RANBP2: variants seen among roughly 807,000 people sequenced by gnomAD.
The protein encoded by RANBP2 is E3 SUMO-protein ligase RanBP2.
In RANBP2, 57 loss-of-function variants were observed where a neutral mutation model predicts 303.6. The observed-to-expected ratio is 0.19, with a 90% CI of 0.15 to 0.23. The LOEUF (loss-of-function observed/expected upper bound fraction) is 0.23. Among genes scored for constraint, RANBP2 ranks in the 10% least tolerant of loss-of-function variants. RANBP2 has a pLI of 1.00. For missense variants in RANBP2, 3,138 were observed against 3,780.8 expected, an observed-to-expected ratio of 0.83 and a Z score of 4.46; for synonymous variants, 1,167 against 1,301.5, an observed-to-expected ratio of 0.90 and a Z score of 2.23.
the RANBP2 span, among the ~76,000 whole-genome samples, chr2:109,306,902 G>A: frequency 1.3e-5 from 2 of 152,214 alleles, no homozygotes; most frequent in Admixed American, 1.3e-4. Flanking sequence ...GTACGGTAGG[G>A]CCGCGGCATG....
chr2:109,151,105 C>T, the RANBP2 span, among the ~76,000 whole-genome samples: 1 of 152,192 alleles, frequency 6.6e-6, no homozygotes, highest in African/African-American at 2.4e-5. Context: ...ATTTGCCCTG[C>T]ATTTGGTGAG....
the RANBP2 span, among the ~76,000 whole-genome samples, chr2:109,153,989 G>A: frequency 5.9e-5 from 9 of 152,316 alleles, no homozygotes; most frequent in South Asian, 1.0e-3. Context: ...AAATTTGGGC[G>A]GCAGCCAAGT....
chr2:109,244,522 A>G, the RANBP2 span, among the ~76,000 whole-genome samples: 4 of 152,180 alleles, frequency 2.6e-5, no homozygotes, highest in Non-Finnish European at 4.4e-5. Flanking sequence ...TTAAATTTAT[A>G]GGGCCCTAAG....
At chr2:109,300,676 ACCACCTTCCT>A in the RANBP2 span, among the ~76,000 whole-genome samples, 1 of 151,966 alleles carries the variant, frequency 6.6e-6, no homozygotes, top group African/African-American at 2.4e-5. Context: ...TCTCCATCCA[ACCACCTTCCT>A]CTTCCTCCTT....
At chr2:109,593,165 C>T in the RANBP2 span, 2 of 1,245,408 alleles carry the variant, frequency 1.6e-6, no homozygotes, top group Non-Finnish European at 2.3e-6. Context: ...AAACATTACT[C>T]CCCAAACCCC....
At chr2:109,200,950 C>T in the RANBP2 span, among the ~76,000 whole-genome samples, 406 of 152,248 alleles carry the variant, frequency 2.7e-3, 4 homozygotes, top group Middle Eastern at 0.02. Context: ...CGCAGTGGCC[C>T]GGGGCCCACC....
At chr2:109,657,645 C>T in the RANBP2 span, among the ~76,000 whole-genome samples, 59 of 149,254 alleles carry the variant, frequency 4.0e-4, no homozygotes, top group African/African-American at 1.3e-3. Flanking sequence ...ATCTTTTAAG[C>T]GGGAGGAGGC....
chr2:109,062,931 G>T, the RANBP2 span, among the ~76,000 whole-genome samples: 54 of 152,252 alleles, frequency 3.5e-4, no homozygotes, highest in Admixed American at 8.5e-4. Flanking sequence ...GACAGAGCTG[G>T]TGCCAACTGC....
the RANBP2 span, among the ~76,000 whole-genome samples, chr2:109,120,994 C>A: frequency 6.6e-6 from 1 of 152,162 alleles, no homozygotes; most frequent in Non-Finnish European, 1.5e-5. Context: ...CGCCTGTAAT[C>A]CTAGCACTTT....
the RANBP2 span, among the ~76,000 whole-genome samples, chr2:109,381,109 G>A: frequency 6.6e-6 from 1 of 152,224 alleles, no homozygotes; most frequent in African/African-American, 2.4e-5. Flanking sequence ...GCAGAGCCTT[G>A]TCCTGGTCTG....
the RANBP2 span, among the ~76,000 whole-genome samples, chr2:108,871,127 GGATA>G: frequency 1.3e-5 from 2 of 151,974 alleles, no homozygotes; most frequent in African/African-American, 4.8e-5. Context: ...ATGGATGAAT[GGATA>G]GATAGAAGGA....
the RANBP2 span, among the ~76,000 whole-genome samples, chr2:109,524,495 G>A: frequency 1.4e-4 from 20 of 144,266 alleles, no homozygotes; most frequent in African/African-American, 4.7e-4. Flanking sequence ...GATGGCTCAC[G>A]CCTGTAATCC....
the RANBP2 span, among the ~76,000 whole-genome samples, chr2:109,637,204 G>C: frequency 1.4e-4 from 21 of 152,326 alleles, no homozygotes; most frequent in African/African-American, 5.1e-4. Flanking sequence ...CATCTCAGTG[G>C]AGTAAAGAAT....
chr2:109,402,887 A>G, the RANBP2 span, among the ~76,000 whole-genome samples: 1 of 152,242 alleles, frequency 6.6e-6, no homozygotes, highest in East Asian at 1.9e-4. Flanking sequence ...TTCTGTAGAA[A>G]GGTCCAAACA....
the RANBP2 span, among the ~76,000 whole-genome samples, chr2:109,378,482 G>A: frequency 6.6e-6 from 1 of 152,206 alleles, no homozygotes; most frequent in Non-Finnish European, 1.5e-5. Context: ...TTATGGAGCT[G>A]TGTGATGCTT....
intron 19 of RANBP2, among the ~76,000 whole-genome samples, chr2:108,762,467 C>G (rs1360446610): frequency 2.9e-5 from 2 of 68,586 alleles, no homozygotes; most frequent in African/African-American, 5.8e-5. Context: ...AACTGTAATG[C>G]CCTTGCTGAC....
chr2:109,352,615 C>T, the RANBP2 span, among the ~76,000 whole-genome samples: 1 of 152,268 alleles, frequency 6.6e-6, no homozygotes, highest in Non-Finnish European at 1.5e-5. Context: ...CGTTCTCTCC[C>T]TTCCTGGGCA....
chr2:108,818,636 A>G, the RANBP2 span, among the ~76,000 whole-genome samples: 1 of 152,214 alleles, frequency 6.6e-6, no homozygotes, highest in Non-Finnish European at 1.5e-5. Flanking sequence ...AGGTATTCAC[A>G]TCTCTTTAGG....
At chr2:109,703,366 A>ATGGTATGTTCACATTCAC in the RANBP2 span, among the ~76,000 whole-genome samples, 1 of 152,222 alleles carries the variant, frequency 6.6e-6, no homozygotes, top group Non-Finnish European at 1.5e-5. Context: ...GTTGCCTAAC[A>ATGGTATGTTCACATTCAC]TGGTATGTTC....
Sources: allele counts gnomAD v4.1 joint callset (sites outside exome capture counted in the v4.1 genomes callset), GRCh38; gene constraint gnomAD v4.1.1; transcripts MANE v1.5; gene names NCBI Gene and HGNC (gene_info 2026-07-23, HGNC 2026-07-21).